ADAMTS13: variants seen among roughly 807,000 people sequenced by gnomAD.
ADAMTS13 encodes the protein A disintegrin and metalloproteinase with thrombospondin motifs 13.
In ADAMTS13, 110 loss-of-function variants were observed where a neutral mutation model predicts 155.1. The ratio of observed to expected loss-of-function variants is 0.71; its 90% CI spans 0.61 to 0.83. The LOEUF is 0.83. Among genes scored for constraint, ADAMTS13 ranks in the 40% least tolerant of loss-of-function variants. The pLI, the probability that ADAMTS13 is intolerant of heterozygous loss-of-function variation, is 0.00. For missense variants in ADAMTS13, 1,707 were observed against 1,891.7 expected (o/e 0.90, Z 1.81); for synonymous variants, 758 against 756.4 (o/e 1.00, Z -0.03).
Position 133,442,761 on chromosome 9 carries a change from T to G in ADAMTS13, c.2234+18T>G. On this transcript the variant is annotated intron_variant, in intron 18 of 28. Transcript: ENST00000355699. ...CCTCCCTAGTGAGTGTGGTGCTGTCTGCGCAGCTCCAAGGGGGAGAGAGGG... is the reference window on the plus strand; with the variant it reads ...CCTCCCTAGTGAGTGTGGTGCTGTCGGCGCAGCTCCAAGGGGGAGAGAGGG... The G allele has an allele frequency of 6.2e-7, 1 of 1,610,428 alleles. No individual in the cohort carries two copies.
intron 2 of ADAMTS13, among the ~76,000 whole-genome samples, chr9:133,423,428 C>G (rs1185778707): frequency 6.6e-6 from 1 of 152,232 alleles, no homozygotes; most frequent in African/African-American, 2.4e-5. Context: ...GCTGGCCCCT[C>G]CTGCCCCATG....
Position 133,437,866 on chromosome 9 carries a change from C to A in ADAMTS13, c.1553C>A (p.Thr518Asn), listed in dbSNP as rs781894953. 2 of 1,613,832 alleles carry A rather than the reference C, an allele frequency of 1.2e-6. No homozygotes were observed. Among genetic ancestry groups the A allele is most frequent in the South Asian group, 2.2e-5 (2 of 91,082 alleles). ...CMPSGPREDG[T>N]LSLCVSGSCR... ...CCAAGTGGCCCCCGGGAGGACGGGA[C>A]CCTGAGCCTGTGTGTGTCGGGCAGC... Residue 518 changes from threonine to asparagine, a missense_variant, in exon 13 of 29, where the codon ACC (threonine) becomes AAC (asparagine). This residue lies in a region of ADAMTS13 where 733 missense variants were observed against 749.6 expected (regional missense o/e 0.98). Coordinates refer to ENST00000355699, the MANE Select transcript of ADAMTS13 (RefSeq NM_139027.6).
chr9:133,426,162 C>T, intron 5 of ADAMTS13, 37 bp from the exon 6 acceptor site: 1 of 1,614,030 alleles, frequency 6.2e-7, no homozygotes, highest in Middle Eastern at 1.6e-4. Flanking sequence ...AGGCACGTGC[C>T]TTGGCACCAC....
At chr9:133,417,879 C>T (rs2130753325), upstream of ADAMTS13, 6 of 1,585,796 alleles carry the variant, frequency 3.8e-6, no homozygotes, top group Non-Finnish European at 5.1e-6. Flanking sequence ...CGGCGGCCAC[C>T]CGAGACCCCG....
upstream of ADAMTS13, among the ~76,000 whole-genome samples, chr9:133,419,842 G>A (rs985123894): frequency 1.3e-4 from 20 of 152,034 alleles, no homozygotes; most frequent in Non-Finnish European, 1.0e-4. Context: ...GGGTTCAAGC[G>A]ATTCTCCTGC....
At chr9:133,433,819 G>A in intron 11 of ADAMTS13, 115 bp downstream of exon 11, 1 of 1,294,554 alleles carries the variant, frequency 7.7e-7, no homozygotes, top group Non-Finnish European at 1.1e-6. Flanking sequence ...ATTGGGGCCA[G>A]GTGAGGTGGC....
In ADAMTS13 at chr9:133,423,159, C is replaced by A; in HGVS notation, c.164C>A (p.Pro55His). ...TCTTCTTACTTGAGCCCTGGTGCTC[C>A]CTTAAAAGGTACTTGTCCTGGTGTC... is the stretch of plus-strand genomic sequence containing the variant. ...AVSSYLSPGA[P>H]LKGRPPSPGF... The change falls in exon 2 of 29, where the codon CCC (proline) becomes CAC (histidine). Residue 55 changes from proline (P) to histidine (H), a missense_variant. Pro to His is a moderately conservative substitution (Grantham distance 77). This residue lies in a region of ADAMTS13 where 733 missense variants were observed against 749.6 expected (regional missense o/e 0.98). Transcript: ENST00000355699. The A allele has an allele frequency of 6.2e-7, 1 of 1,613,872 alleles. No individual in the cohort carries two copies. The highest frequency in any genetic ancestry group is 8.5e-7 in the Non-Finnish European group (1 of 1,179,948).
chr9:133,449,489 G>A (rs1246850399), intron 22 of ADAMTS13, among the ~76,000 whole-genome samples: 1 of 152,160 alleles, frequency 6.6e-6, no homozygotes, highest in Non-Finnish European at 1.5e-5. Context: ...CACTGTTGAA[G>A]ACAGACATGC....
Position 133,425,835 on chromosome 9 carries a change from G to C in ADAMTS13, c.415-103G>C. 1 of 1,558,044 alleles carries C rather than the reference G, an allele frequency of 6.4e-7. No individual in the cohort carries two copies. Among genetic ancestry groups the C allele is most frequent in the South Asian group, 1.2e-5 (1 of 85,802 alleles). ...GTTGTCTCATCCCTAACACGGGCTA[G>C]TCATAGGGTTGTTAGGAGGACTAAC... is the stretch of plus-strand genomic sequence containing the variant. On this transcript the variant is annotated intron_variant, in intron 4 of 28. Coordinates refer to ENST00000355699, the MANE Select transcript of ADAMTS13 (RefSeq NM_139027.6). The surrounding 1 kb of genome is among the most constrained non-coding windows in gnomAD (Gnocchi z 4.6).
upstream of ADAMTS13, chr9:133,417,522 C>T: frequency 7.9e-7 from 1 of 1,272,794 alleles, no homozygotes; most frequent in South Asian, 1.3e-5. Context: ...TTCAAATCTG[C>T]CTTTACAGGT....
Position 133,456,885 on chromosome 9 carries a change from C to A in ADAMTS13, c.3724+166C>A. The A allele has an allele frequency of 1.2e-6, 1 of 868,488 alleles. No individual in the cohort carries two copies. The highest frequency in any genetic ancestry group is 1.9e-6 in the Non-Finnish European group (1 of 537,682). 53.8% of individuals were successfully genotyped at this position (868,488 alleles called of 1,614,324 possible). A position where few individuals can be genotyped will look rare whatever the true frequency, so the allele number is the denominator to read the frequency against. ...GTTGGCCAGTGTCAGTCTGCACGTG[C>A]CAGGGAGGGGTCACAGGATGAATGC... On this transcript the variant is annotated intron_variant, in intron 27 of 28. Coordinates refer to ENST00000355699, the MANE Select transcript of ADAMTS13 (RefSeq NM_139027.6). The surrounding 1 kb of genome is among the most constrained non-coding windows in gnomAD (Gnocchi z 4.4).
intron 23 of ADAMTS13, among the ~76,000 whole-genome samples, chr9:133,451,203 C>T (rs778224814): frequency 1.3e-5 from 2 of 152,210 alleles, no homozygotes; most frequent in Non-Finnish European, 2.9e-5. Flanking sequence ...TATGTTCCAG[C>T]ACTCCAGTTT....
chr9:133,455,393 G>T lies in ADAMTS13; in HGVS notation c.3358G>T (p.Val1120Leu). 6.2e-7 allele frequency: 1 copy of T among 1,612,686 alleles called. No homozygotes were observed. ...ADFCQHLPKP[V>L]TVRGCWAGPC... ...TTTCTGCCAGCACTTGCCCAAGCCG[G>T]TGACTGTGCGTGGCTGCTGGGCTGG... The change falls in exon 25 of 29, where the codon GTG becomes TTG. Residue 1120 changes from valine to leucine, a missense_variant. Transcript: ENST00000355699.
At chr9:133,458,829 C>T in intron 28 of ADAMTS13, 145 bp from the exon 29 acceptor site, 1 of 788,486 alleles carries the variant, frequency 1.3e-6, no homozygotes, top group Non-Finnish European at 2.1e-6. Flanking sequence ...CCTCGGTTTT[C>T]TGGGTAGAGT....
At chr9:133,451,167 G>A (rs1049425192) in intron 23 of ADAMTS13, among the ~76,000 whole-genome samples, 4 of 152,188 alleles carry the variant, frequency 2.6e-5, no homozygotes, top group African/African-American at 4.8e-5. Flanking sequence ...ATACAGAAAC[G>A]TCCAGAAAAG....
intron 9 of ADAMTS13, 141 bp from the exon 10 acceptor site, chr9:133,433,237 T>G (rs1554787994): frequency 3.6e-6 from 4 of 1,125,088 alleles, no homozygotes; most frequent in Non-Finnish European, 5.3e-6. Flanking sequence ...GAGTTCCTTG[T>G]GTGTGTTTGG....
At chr9:133,414,765 CTTTCT>C in intron 1 of ADAMTS13, 3 of 1,614,176 alleles carry the variant, frequency 1.9e-6, no homozygotes, top group Non-Finnish European at 2.5e-6. Context: ...TCCTTGGTTC[CTTTCT>C]TATTGTGCTC....
chr9:133,450,565 C>CAAAAAA (rs924514326), intron 23 of ADAMTS13, among the ~76,000 whole-genome samples: 1 of 74,824 alleles, frequency 1.3e-5, no homozygotes, highest in Non-Finnish European at 2.8e-5. Context: ...AACTCCATCT[C>CAAAAAA]AAAAAAAAAA....
intron 7 of ADAMTS13, among the ~76,000 whole-genome samples, 178 bp downstream of exon 7, chr9:133,428,949 G>A (rs1840494511): frequency 9.8e-6 from 1 of 102,108 alleles, no homozygotes; most frequent in Admixed American, 1.0e-4. Context: ...GTGGAGGGGC[G>A]GGCGCGCGAG....
Sources: gnomAD v4.1 joint callset for allele counts (sites outside exome capture counted in the v4.1 genomes callset) on GRCh38, gnomAD v4.1.1 for gene constraint, gnomAD v4.1.1 regional missense constraint, Gnocchi (gnomAD v3.1) non-coding constraint, MANE v1.5 for transcripts, NCBI Gene and HGNC (gene_info 2026-07-23, HGNC 2026-07-21) for gene names.